SLC26A11: variants seen among roughly 807,000 people sequenced by gnomAD.
The protein encoded by SLC26A11 is solute carrier family 26 member 11.
SLC26A11 carries 58 observed loss-of-function variants against 62.2 expected under a neutral mutation model. The ratio of observed to expected loss-of-function variants is 0.93; its 90% CI spans 0.76 to 1.16. SLC26A11 has a LOEUF of 1.16. SLC26A11 is among the 50% of genes most tolerant of loss of function. The pLI, the probability that SLC26A11 is intolerant of heterozygous loss-of-function variation, is 0.00. For synonymous variants in SLC26A11, 411 were observed against 368.9 expected, an observed-to-expected ratio of 1.11 and a Z score of -1.31; for missense variants, 790 against 794.3, an observed-to-expected ratio of 0.99 and a Z score of 0.06.
At chr17:80,241,003 C>T (rs953870837) in intron 9 of SLC26A11, among the ~76,000 whole-genome samples, 1 of 149,276 alleles carries the variant, frequency 6.7e-6, no homozygotes, top group African/African-American at 2.5e-5. Context: ...TGCTCAGGAG[C>T]CTAAGGCAGG....
At position 80,238,811 on chromosome 17, in the gene SLC26A11, G is replaced by GGTTTTTTTTTTTTTTTTTTTTTTT. The variant is rs1555629117; in HGVS notation, c.985+1217_985+1218insGTTTTTTTTTTTTTTTTTTTTTTT. On this transcript the variant is annotated intron_variant, in intron 9 of 17. Coordinates refer to ENST00000361193, the MANE Select transcript of SLC26A11 (RefSeq NM_001166347.2). Reference sequence around the variant, plus strand: ...TCTAACCCTTACCCCCTTCAAAGGAGTTTTTTTTGTTTTTTGTTTTTTTTT... The same window carrying GGTTTTTTTTTTTTTTTTTTTTTTT: ...TCTAACCCTTACCCCCTTCAAAGGAGGTTTTTTTTTTTTTTTTTTTTTTTTTTTTTTTGTTTTTTGTTTTTTTTT... 2.4e-4 allele frequency among the ~76,000 whole-genome samples: 29 copies of GGTTTTTTTTTTTTTTTTTTTTTTT among 123,264 alleles called. 3 individuals carry two copies. Among genetic ancestry groups the GGTTTTTTTTTTTTTTTTTTTTTTT allele is most frequent in the African/African-American group, 8.6e-4 (25 of 29,232 alleles). The allele number at this position is 123,264 out of a possible 152,430, so 80.9% of individuals were successfully genotyped here. A position where few individuals can be genotyped will look rare whatever the true frequency, so the allele number is the denominator to read the frequency against.
chr17:80,245,388 TG>T, intron 11 of SLC26A11, 132 bp downstream of exon 11: 1 of 823,484 alleles, frequency 1.2e-6, no homozygotes, highest in Non-Finnish European at 2.0e-6. Context: ...GAGGCAGGGC[TG>T]GGGGTCACCC....
rs1454390581 is a variant in SLC26A11 at position 80,222,476 on chromosome 17, T to C, written c.235-179T>C. On this transcript the variant is annotated intron_variant, in intron 3 of 17. Coordinates refer to ENST00000361193, the MANE Select transcript of SLC26A11 (RefSeq NM_001166347.2). The surrounding 1 kb of genome is among the most constrained non-coding windows in gnomAD (Gnocchi z 4.7). ...TCTGCACCCTGAGGCCCCAGTTGAG[T>C]GCTGCTAAAAAAGTGGCCTCCTGAT... 1 of 607,822 alleles carries C rather than the reference T, an allele frequency of 1.6e-6. No individual in the cohort carries two copies. Among genetic ancestry groups the C allele is most frequent in the Non-Finnish European group, 2.9e-6 (1 of 346,630 alleles). The allele number at this position is 607,822 out of a possible 1,614,324, so 37.7% of individuals were successfully genotyped here.
chr17:80,224,518 G>A (rs1324930232), intron 5 of SLC26A11, among the ~76,000 whole-genome samples: 1 of 152,134 alleles, frequency 6.6e-6, no homozygotes, highest in Non-Finnish European at 1.5e-5. Flanking sequence ...CTACGTGCGA[G>A]GCACTGGGCA....
intron 13 of SLC26A11, among the ~76,000 whole-genome samples, chr17:80,247,187 G>A (rs2144973976): frequency 6.6e-6 from 1 of 152,202 alleles, no homozygotes; most frequent in South Asian, 2.1e-4. Flanking sequence ...AGGATCCCAA[G>A]GCAGAGGAAT....
Position 80,246,352 on chromosome 17 carries a change from G to T in SLC26A11, c.1153+143G>T. On this transcript the variant is annotated intron_variant, in intron 12 of 17. Transcript: ENST00000361193. The surrounding 1 kb of genome is among the most constrained non-coding windows in gnomAD (Gnocchi z 4.4). Reference sequence around the variant, plus strand: ...ACTTGGGGGGCCACACAGGAGTAGGGGGACCACAGGAGACTGAGCAGGGGC... The same window carrying T: ...ACTTGGGGGGCCACACAGGAGTAGGTGGACCACAGGAGACTGAGCAGGGGC... The T allele has an allele frequency of 7.1e-7, 1 of 1,410,308 alleles. No homozygotes were observed. Among genetic ancestry groups the T allele is most frequent in the East Asian group, 2.4e-5 (1 of 42,352 alleles). 87.4% of individuals were successfully genotyped at this position (1,410,308 alleles called of 1,614,324 possible).
In SLC26A11 at chr17:80,246,545, C is replaced by T; in HGVS notation, c.1190C>T (p.Ser397Leu). 1 of 1,613,460 alleles carries T rather than the reference C, an allele frequency of 6.2e-7. No individual in the cohort carries two copies. Reference sequence around the variant, plus strand: ...CTGCTGTCTCTGGACTACCTGACCTCACTGTTCTACTACATCCCCAAGTCT... The same window carrying T: ...CTGCTGTCTCTGGACTACCTGACCTTACTGTTCTACTACATCCCCAAGTCT... ...LVLLSLDYLTSLFYYIPKSAL... is the reference protein window; with the variant it reads ...LVLLSLDYLTLLFYYIPKSAL... Residue 397 changes from serine (S) to leucine (L), a missense_variant, in exon 13 of 18, where the codon TCA becomes TTA. Physicochemically the swap from Ser to Leu is moderately radical, Grantham distance 145. Coordinates refer to ENST00000361193, the MANE Select transcript of SLC26A11 (RefSeq NM_001166347.2). This position sits in a 1 kb window ranked among gnomAD's most constrained non-coding sequence, Gnocchi z 4.4.
chr17:80,241,394 G>A (rs972894494), intron 9 of SLC26A11, among the ~76,000 whole-genome samples: 3 of 152,094 alleles, frequency 2.0e-5, no homozygotes, highest in African/African-American at 7.2e-5. Flanking sequence ...TGAATATCTG[G>A]GACTATAGGC....
At chr17:80,250,829 A>AAAACAAAC (rs71365594) in intron 16 of SLC26A11, among the ~76,000 whole-genome samples, 12 of 150,140 alleles carry the variant, frequency 8.0e-5, no homozygotes, top group South Asian at 4.3e-4. Context: ...CTCCATCTCA[A>AAAACAAAC]AAACAAACAA....
chr17:80,246,072 G>A lies in SLC26A11; in HGVS notation c.1098-82G>A, dbSNP rs1281542891. On this transcript the variant is annotated intron_variant, in intron 11 of 17. Transcript: ENST00000361193. The surrounding 1 kb of genome is among the most constrained non-coding windows in gnomAD (Gnocchi z 4.4). ...CCGTGCTGGGAGCTGACGTCCCCTC[G>A]GAAGATCAGCCACAGGAGTGTGGAC... 8 of 1,535,372 alleles carry A rather than the reference G, an allele frequency of 5.2e-6. No individual in the cohort carries two copies. Among genetic ancestry groups the A allele is most frequent in the Middle Eastern group, 1.7e-4 (1 of 5,928 alleles).
chr17:80,244,283 T>G (rs1211303716), intron 10 of SLC26A11, among the ~76,000 whole-genome samples: 3 of 152,172 alleles, frequency 2.0e-5, no homozygotes, highest in Non-Finnish European at 4.4e-5. Flanking sequence ...GCGTGGGCTT[T>G]GTCTGTTGTA....
At chr17:80,236,808 T>A (rs1365844782) in intron 7 of SLC26A11, 120 bp from the exon 8 acceptor site, 5 of 1,030,782 alleles carry the variant, frequency 4.9e-6, no homozygotes, top group Non-Finnish European at 7.2e-6. Context: ...GAGTGAGGAC[T>A]GTGGCCCGGT....
chr17:80,248,293 G>T, intron 14 of SLC26A11, 36 bp downstream of exon 14: 2 of 1,590,332 alleles, frequency 1.3e-6, no homozygotes. Flanking sequence ...GGAGTGTGCT[G>T]GGGGCAGGAT....
intron 5 of SLC26A11, among the ~76,000 whole-genome samples, chr17:80,224,424 AGAGT>A (rs2042339303): frequency 1.7e-5 from 2 of 120,182 alleles, no homozygotes; most frequent in Admixed American, 1.8e-4. Context: ...TGAGTGAGTG[AGAGT>A]GGGTGTGGGT....
rs565656235 is a variant in SLC26A11, at chr17:80,251,233, C to G, written c.1657-96C>G. 3.1e-6 allele frequency: 5 copies of G among 1,611,790 alleles called. No individual in the cohort carries two copies. In the East Asian group the frequency reaches 1.1e-4, roughly 36 times the overall value. On this transcript the variant is annotated intron_variant, in intron 16 of 17. Coordinates refer to ENST00000361193, the MANE Select transcript of SLC26A11 (RefSeq NM_001166347.2). ...CTGGTATGGAGGTGAAGCCATACCT[C>G]TCCGGGAGACTCTGAGATGGCAGGT...
chr17:80,245,420 CTG>C, intron 11 of SLC26A11, 164 bp downstream of exon 11: 2 of 645,024 alleles, frequency 3.1e-6, no homozygotes, highest in Non-Finnish European at 5.5e-6. Context: ...AGGGTGTTCT[CTG>C]TTTCTTTATT....
intron 2 of SLC26A11, 57 bp from the exon 3 acceptor site, chr17:80,221,491 C>A (rs765100932): frequency 1.9e-5 from 24 of 1,296,436 alleles, no homozygotes; most frequent in African/African-American, 2.9e-5. Flanking sequence ...ACCAGTGTTG[C>A]CGGGTTCTTC....
At chr17:80,234,225 G>A (rs896661513) in intron 7 of SLC26A11, among the ~76,000 whole-genome samples, 4 of 152,036 alleles carry the variant, frequency 2.6e-5, no homozygotes, top group Non-Finnish European at 4.4e-5. Context: ...GGCTGCTTTC[G>A]AACTCCTGAC....
chr17:80,237,684 A>G, intron 9 of SLC26A11, 90 bp downstream of exon 9: 2 of 1,250,076 alleles, frequency 1.6e-6, no homozygotes, highest in East Asian at 2.5e-5. Context: ...ATCCGTTACT[A>G]GTTTTAGAAA....
Sources: allele counts gnomAD v4.1 joint callset (sites outside exome capture counted in the v4.1 genomes callset), GRCh38; gene constraint gnomAD v4.1.1; non-coding constraint Gnocchi (gnomAD v3.1); transcripts MANE v1.5; gene names NCBI Gene and HGNC (gene_info 2026-07-23, HGNC 2026-07-21).